The following CDK14 variants were observed in gnomAD, a reference collection of about 807,000 sequenced individuals.
The protein encoded by CDK14 is cyclin-dependent kinase 14.
A neutral mutation model predicts 60.7 loss-of-function variants in CDK14; 34 were observed. The observed-to-expected ratio is 0.56, with a 90% CI of 0.43 to 0.75. The LOEUF (loss-of-function observed/expected upper bound fraction) is 0.75, where lower values mean the gene tolerates loss of function less well. CDK14 is among the 30% of genes least tolerant of loss of function. The pLI, the probability that CDK14 is intolerant of heterozygous loss-of-function variation, is 0.00. For synonymous variants in CDK14, 197 were observed against 203.7 expected (o/e 0.97, Z 0.28); for missense variants, 482 against 564.1 (o/e 0.85, Z 1.47).
At chr7:90,621,460 G>A (rs992163675) in intron 2 of CDK14, among the ~76,000 whole-genome samples, 3 of 152,160 alleles carry the variant, frequency 2.0e-5, no homozygotes, top group Non-Finnish European at 4.4e-5. Flanking sequence ...GGTTCCTGAG[G>A]GCAGAGACAG....
intron 10 of CDK14, among the ~76,000 whole-genome samples, chr7:90,992,410 A>G (rs964261197): frequency 3.3e-5 from 5 of 152,218 alleles, no homozygotes; most frequent in African/African-American, 9.7e-5. Flanking sequence ...ACAGATATTT[A>G]TTACGTGCTT....
chr7:91,114,118 A>C (rs374850771), intron 13 of CDK14, among the ~76,000 whole-genome samples: 103 of 152,270 alleles, frequency 6.8e-4, no homozygotes, highest in African/African-American at 2.4e-3. Flanking sequence ...ACTCAAACAT[A>C]TGGTTTGTTT....
At chr7:91,127,522 C>A (rs1285887041) in intron 14 of CDK14, among the ~76,000 whole-genome samples, 3 of 152,096 alleles carry the variant, frequency 2.0e-5, no homozygotes, top group Non-Finnish European at 2.9e-5. Flanking sequence ...ACATATCAAA[C>A]CAGGGTTCCG....
intron 5 of CDK14, among the ~76,000 whole-genome samples, chr7:90,820,614 C>G (rs1249878215): frequency 1.3e-5 from 2 of 152,158 alleles, no homozygotes; most frequent in Non-Finnish European, 2.9e-5. Context: ...TCAATTAAAC[C>G]TCTTCTCTTT....
rs1334240958 is a variant in CDK14 at position 90,863,123 on chromosome 7, T to C, written c.545-52T>C. 4 of 947,298 alleles carry C rather than the reference T, an allele frequency of 4.2e-6. No individual in the cohort carries two copies. The Admixed American group carries it at 7.6e-5, about 18-fold the overall frequency. 58.7% of individuals were successfully genotyped at this position (947,298 alleles called of 1,614,324 possible). A position where few individuals can be genotyped will look rare whatever the true frequency, so the allele number is the denominator to read the frequency against. ...GTGCCAAAATTATAATGGTATATAT[T>C]AGTTGATTGTTATCCACGATAAATT... On this transcript the variant is annotated intron_variant, in intron 5 of 14. Coordinates refer to ENST00000380050, the MANE Select transcript of CDK14 (RefSeq NM_001287135.2).
At chr7:90,957,223 TC>T (rs1388883206) in intron 9 of CDK14, among the ~76,000 whole-genome samples, 1 of 151,914 alleles carries the variant, frequency 6.6e-6, no homozygotes, top group Admixed American at 6.6e-5. Context: ...AAGTTTACAG[TC>T]CCACCAACAG....
At chr7:90,898,529 C>A (rs1195604959) in intron 6 of CDK14, among the ~76,000 whole-genome samples, 2 of 151,906 alleles carry the variant, frequency 1.3e-5, no homozygotes, top group Non-Finnish European at 2.9e-5. Context: ...TTTTATAAAT[C>A]TTATAGTACA....
At chr7:90,870,473 C>T (rs1411602136) in intron 6 of CDK14, among the ~76,000 whole-genome samples, 2 of 152,154 alleles carry the variant, frequency 1.3e-5, no homozygotes, top group African/African-American at 4.8e-5. Flanking sequence ...CAAACTTGCA[C>T]GTGTACCCCA....
At chr7:90,866,383 AAAC>A (rs1584062699) in intron 6 of CDK14, among the ~76,000 whole-genome samples, 1 of 152,268 alleles carries the variant, frequency 6.6e-6, no homozygotes, top group East Asian at 1.9e-4. Context: ...GATATTTTCT[AAAC>A]AATGTTGATT....
intron 6 of CDK14, among the ~76,000 whole-genome samples, chr7:90,881,853 G>A (rs1791765778): frequency 6.6e-6 from 1 of 152,060 alleles, no homozygotes; most frequent in South Asian, 2.1e-4. Flanking sequence ...CGTAAGCAAA[G>A]AAGAAATAAA....
At chr7:91,046,497 G>C (rs571423889) in intron 11 of CDK14, among the ~76,000 whole-genome samples, 2 of 152,170 alleles carry the variant, frequency 1.3e-5, no homozygotes, top group Non-Finnish European at 2.9e-5. Context: ...AAAGAAATGT[G>C]AACTTTTAAA....
At chr7:91,171,417 A>G (rs879140565) in intron 14 of CDK14, among the ~76,000 whole-genome samples, 1 of 152,144 alleles carries the variant, frequency 6.6e-6, no homozygotes, top group South Asian at 2.1e-4. Flanking sequence ...CATATTTGCT[A>G]TGACTAGTGT....
At chr7:91,154,742 G>A (rs1026297639) in intron 14 of CDK14, among the ~76,000 whole-genome samples, 5 of 152,072 alleles carry the variant, frequency 3.3e-5, no homozygotes, top group Non-Finnish European at 5.9e-5. Context: ...TCTAGCTGAC[G>A]TTATTGAGTT....
At chr7:90,677,989 C>G (rs1241125834) in intron 2 of CDK14, among the ~76,000 whole-genome samples, 3 of 152,104 alleles carry the variant, frequency 2.0e-5, no homozygotes, top group Non-Finnish European at 4.4e-5. Flanking sequence ...TCGGCAGAGT[C>G]AACATTTGGG....
intron 4 of CDK14, among the ~76,000 whole-genome samples, chr7:90,773,847 C>CTCTCCTCTCCTCTCCTCTCCTCTCT: frequency 2.8e-5 from 1 of 35,766 alleles, no homozygotes; most frequent in East Asian, 4.6e-4. Flanking sequence ...CTCTTCCCTC[C>CTCTCCTCTCCTCTCCTCTCCTCTCT]TCTCCTCTCC....
intron 3 of CDK14, among the ~76,000 whole-genome samples, chr7:90,730,572 A>G (rs1374939878): frequency 6.6e-6 from 1 of 152,108 alleles, no homozygotes; most frequent in Non-Finnish European, 1.5e-5. Flanking sequence ...ATGGTATCTC[A>G]TTGTGGTTTT....
chr7:91,017,000 A>G (rs1284088809), intron 10 of CDK14, among the ~76,000 whole-genome samples: 2 of 152,216 alleles, frequency 1.3e-5, no homozygotes, highest in African/African-American at 4.8e-5. Flanking sequence ...AAGGCAGGCA[A>G]AATTCCTATG....
chr7:90,753,244 T>C lies in CDK14; in HGVS notation c.464+5469T>C, dbSNP rs140374371. Among the ~76,000 whole-genome samples, 103 of 152,054 alleles carry C rather than the reference T, an allele frequency of 6.8e-4. 1 individual carries two copies. In the East Asian group the frequency reaches 0.019, roughly 28 times the overall value. On this transcript the variant is annotated intron_variant, in intron 4 of 14. Transcript: ENST00000380050. Reference sequence around the variant, plus strand: ...TGATGAACAAAAATCCTAAACAAAATACCAGCAAACCAAATCCAGCAGCAC... The same window carrying C: ...TGATGAACAAAAATCCTAAACAAAACACCAGCAAACCAAATCCAGCAGCAC...
At chr7:91,043,251 G>A (rs554513882) in intron 10 of CDK14, among the ~76,000 whole-genome samples, 10 of 152,338 alleles carry the variant, frequency 6.6e-5, no homozygotes, top group South Asian at 2.1e-4. Flanking sequence ...AGGCAGCCAG[G>A]AAAACAATTG....
Sources: gnomAD v4.1 joint callset for allele counts (sites outside exome capture counted in the v4.1 genomes callset) on GRCh38, gnomAD v4.1.1 for gene constraint, MANE v1.5 for transcripts, NCBI Gene and HGNC (gene_info 2026-07-23, HGNC 2026-07-21) for gene names.